FAM83A: variants seen among roughly 807,000 people sequenced by gnomAD.
FAM83A encodes scaffolding CK1 anchoring protein A.
In FAM83A, 21 loss-of-function variants were observed where a neutral mutation model predicts 24.4. The ratio of observed to expected loss-of-function variants is 0.86; its 90% CI spans 0.61 to 1.24. The LOEUF is 1.24. FAM83A is among the 50% of genes most tolerant of loss of function. FAM83A has a pLI of 0.00. For synonymous variants in FAM83A, 270 were observed against 252.4 expected (o/e 1.07, Z -0.66); for missense variants, 617 against 579.8 (o/e 1.06, Z -0.66).
At chr8:123,208,901 T>C in exon 4 of FAM83A, 2 of 963,360 alleles carry the variant, frequency 2.1e-6, no homozygotes, top group Non-Finnish European at 2.5e-6. Context: ...GAAGCAGAGG[T>C]TGCAATGAGC....
At chr8:123,196,160 C>T (rs929557830) in intron 3 of FAM83A, among the ~76,000 whole-genome samples, 1 of 152,100 alleles carries the variant, frequency 6.6e-6, no homozygotes, top group Non-Finnish European at 1.5e-5. Context: ...TACAGGCACC[C>T]GCCACCACGC....
chr8:123,183,895 C>T (rs936976977), intron 1 of FAM83A, among the ~76,000 whole-genome samples: 2 of 151,910 alleles, frequency 1.3e-5, no homozygotes, highest in Non-Finnish European at 2.9e-5. Flanking sequence ...GAGGTTTCAC[C>T]ATGTTGGCCA....
intron 3 of FAM83A, chr8:123,201,613 G>A (rs970881948): frequency 2.6e-5 from 4 of 152,142 alleles, no homozygotes; most frequent in African/African-American, 7.2e-5. Flanking sequence ...ACCAGAAGAG[G>A]CCATTTATCC....
chr8:123,179,844 T>C (rs1384078808), upstream of FAM83A: 1 of 152,200 alleles, frequency 6.6e-6, no homozygotes, highest in East Asian at 1.9e-4. Flanking sequence ...CAAGCATTTA[T>C]TCAACCAAGA....
At chr8:123,185,047 T>C (rs1403612164) in intron 1 of FAM83A, among the ~76,000 whole-genome samples, 1 of 152,150 alleles carries the variant, frequency 6.6e-6, no homozygotes, top group Admixed American at 6.5e-5. Flanking sequence ...AGGTGGGGCA[T>C]TGGCTTTTAG....
At chr8:123,205,513 C>G (rs1375754418) in intron 3 of FAM83A, among the ~76,000 whole-genome samples, 1 of 152,214 alleles carries the variant, frequency 6.6e-6, no homozygotes, top group Non-Finnish European at 1.5e-5. Context: ...ATTATCCGAG[C>G]CTTGTGCGGC....
intron 2 of FAM83A, among the ~76,000 whole-genome samples, 192 bp downstream of exon 2, chr8:123,192,162 G>A (rs1464103437): frequency 1.3e-5 from 2 of 152,074 alleles, no homozygotes; most frequent in East Asian, 1.9e-4. Context: ...AGAAATACAC[G>A]GCCTCTAAGA....
At chr8:123,183,582 C>T (rs934417136) in intron 1 of FAM83A, among the ~76,000 whole-genome samples, 1 of 152,154 alleles carries the variant, frequency 6.6e-6, no homozygotes, top group Non-Finnish European at 1.5e-5. Context: ...GCCTGGCCCC[C>T]TCTTCCATTT....
At chr8:123,187,034 G>C (rs370483649) in intron 1 of FAM83A, among the ~76,000 whole-genome samples, 17 of 152,152 alleles carry the variant, frequency 1.1e-4, no homozygotes, top group African/African-American at 4.1e-4. Context: ...ATTAGGGCAG[G>C]CTTCACGGAA....
intron 3 of FAM83A, among the ~76,000 whole-genome samples, chr8:123,200,669 T>C (rs1419256515): frequency 2.0e-5 from 3 of 151,732 alleles, no homozygotes; most frequent in Non-Finnish European, 4.4e-5. Context: ...ATATAAAAAA[T>C]CAGGAGGGGC....
chr8:123,200,968 A>AATAT lies in FAM83A; in HGVS notation c.774-6175_774-6172dup, dbSNP rs71310663. ...CTCAAACAAATAAACAAAAAAAAAA[A>AATAT]ATATATATATATATATACACATATA... is the stretch of plus-strand genomic sequence containing the variant. On this transcript the variant is annotated intron_variant, in intron 3 of 3. Transcript: ENST00000690554. Among the ~76,000 whole-genome samples, 172 of 138,978 alleles carry AATAT rather than the reference A, an allele frequency of 1.2e-3. 1 individual carries two copies. Among genetic ancestry groups the AATAT allele is most frequent in the African/African-American group, 4.5e-3 (164 of 36,828 alleles). 91.2% of individuals were successfully genotyped at this position (138,978 alleles called of 152,430 possible).
At chr8:123,180,886 G>A (rs890571371), upstream of FAM83A, among the ~76,000 whole-genome samples, 2 of 150,222 alleles carry the variant, frequency 1.3e-5, no homozygotes, top group African/African-American at 2.4e-5. Context: ...GGATTCCTTC[G>A]ATGTTCCAAA....
At position 123,184,562 on chromosome 8, in the gene FAM83A, G is replaced by C. The variant is rs551382944; in HGVS notation, c.480+1226G>C. Among the ~76,000 whole-genome samples, 15 of 97,350 alleles carry C rather than the reference G, an allele frequency of 1.5e-4. No individual in the cohort carries two copies. The South Asian group carries it at 4.0e-3, about 26-fold the overall frequency. 63.9% of individuals were successfully genotyped at this position (97,350 alleles called of 152,430 possible). A position where few individuals can be genotyped will look rare whatever the true frequency, so the allele number is the denominator to read the frequency against. ...AGGATTTCAGGCACCGTGAGAGCTG[G>C]ATCAGGAGTTCTCCCAATGCCCCGA... On this transcript the variant is annotated intron_variant, in intron 1 of 3. Transcript: ENST00000690554.
upstream of FAM83A, chr8:123,181,588 C>T (rs1823600164): frequency 6.2e-6 from 1 of 162,014 alleles, no homozygotes; most frequent in Non-Finnish European, 1.4e-5. Context: ...GGGAGCAGCC[C>T]TCAGCCAATG....
intron 3 of FAM83A, chr8:123,199,936 AC>A (rs1824292651): frequency 6.5e-6 from 1 of 154,016 alleles, no homozygotes; most frequent in South Asian, 2.0e-4. Flanking sequence ...TGCCCAGCCC[AC>A]TCTCCAACTA....
exon 4 of FAM83A, chr8:123,208,966 A>G (rs796374268): frequency 2.6e-5 from 4 of 155,254 alleles, no homozygotes; most frequent in Non-Finnish European, 3.9e-5. Context: ...TCCGTCACAG[A>G]AAAAAAAAAA....
chr8:123,210,011 C>T, exon 4 of FAM83A: 1 of 176,804 alleles, frequency 5.7e-6, no homozygotes, highest in East Asian at 1.4e-4. Flanking sequence ...CAGAATCCCC[C>T]ACTCCCACCC....
chr8:123,192,494 C>G (rs1824014247), intron 2 of FAM83A, among the ~76,000 whole-genome samples: 1 of 152,190 alleles, frequency 6.6e-6, no homozygotes, highest in South Asian at 2.1e-4. Flanking sequence ...ACTTCCCTCT[C>G]CTGGCAAAGA....
chr8:123,182,786 T>C, exon 1 of FAM83A: 1 of 1,489,458 alleles, frequency 6.7e-7, no homozygotes, highest in South Asian at 1.4e-5. Flanking sequence ...CCGTGGTGTG[T>C]TCCATTTGCT....
Sources: gnomAD v4.1 joint callset for allele counts (sites outside exome capture counted in the v4.1 genomes callset) on GRCh38, gnomAD v4.1.1 for gene constraint, MANE v1.5 for transcripts, NCBI Gene and HGNC (gene_info 2026-07-23, HGNC 2026-07-21) for gene names.